KIN: variants seen among roughly 807,000 people sequenced by gnomAD.
The protein encoded by KIN is Kin17 DNA and RNA binding protein, also known as DNA/RNA-binding protein KIN17.
A neutral mutation model predicts 63.0 loss-of-function variants in KIN; 47 were observed. The observed-to-expected ratio is 0.75, with a 90% confidence interval of 0.59 to 0.95. The LOEUF is 0.95. Among genes scored for constraint, KIN ranks in the 40% least tolerant of loss-of-function variants. The pLI is 0.00. For missense variants in KIN, 408 were observed against 460.9 expected, an observed-to-expected ratio of 0.89 and a Z score of 1.05; for synonymous variants, 160 against 157.7, an observed-to-expected ratio of 1.01 and a Z score of -0.11.
intron 12 of KIN, among the ~76,000 whole-genome samples, chr10:7,758,675 CAAA>C (rs34194283): frequency 5.8e-4 from 73 of 126,344 alleles, no homozygotes; most frequent in Non-Finnish European, 6.1e-4. Context: ...ATGGTCCATG[CAAA>C]AAAAAAAAAA....
At position 7,754,180 on chromosome 10, in the gene KIN, A is replaced by C; in HGVS notation, c.*1900T>G. The C allele has an allele frequency of 2.3e-6, 1 of 440,116 alleles. No homozygotes were observed. The highest frequency in any genetic ancestry group is 4.5e-6 in the Non-Finnish European group (1 of 220,146). The allele number at this position is 440,116 out of a possible 1,614,324, so 27.3% of individuals were successfully genotyped here. ...CCTCATCTCTACTAAAAATCAAAAA[A>C]ATTAGCCAGGCATGGTAGTGCATGC... On this transcript the variant is annotated 3_prime_UTR_variant, in exon 13 of 13. Coordinates refer to ENST00000379562, the MANE Select transcript of KIN (RefSeq NM_012311.4).
At chr10:7,779,105 C>G (rs1490670516) in intron 4 of KIN, 86 bp from the exon 5 acceptor site, 1 of 1,473,310 alleles carries the variant, frequency 6.8e-7, no homozygotes, top group Non-Finnish European at 9.2e-7. Context: ...CATATTTATT[C>G]ATTCAAACAC....
chr10:7,759,702 T>C, intron 12 of KIN, 188 bp downstream of exon 12: 1 of 392,396 alleles, frequency 2.5e-6, no homozygotes, highest in Non-Finnish European at 4.5e-6. Flanking sequence ...ACATTTCTTT[T>C]ATAATCAGAA....
intron 7 of KIN, among the ~76,000 whole-genome samples, chr10:7,772,034 A>C (rs1390559069): frequency 6.6e-6 from 1 of 152,178 alleles, no homozygotes; most frequent in African/African-American, 2.4e-5. Flanking sequence ...CATTCCAGGA[A>C]GGGGAGCAGC....
Position 7,766,075 on chromosome 10 carries a change from C to G in KIN, c.827G>C (p.Arg276Pro), listed in dbSNP as rs776641280. ...TACAGGCTGTAGCCAGTAGTCTGTT[C>G]GGGCAGTTCTTTTCTTTTCCTCTTC... ...EIEEEKKRTA[R>P]TDYWLQPEII... Residue 276 changes from arginine (R) to proline (P), a missense_variant, in exon 9 of 13, where the codon CGA (arginine) becomes CCA (proline). Physicochemically the swap from Arg to Pro is moderately radical, Grantham distance 103. Around this residue, in one of 2 missense-constraint regions of KIN, gnomAD observed 298 missense variants for 296.0 expected, o/e 1.01. Coordinates refer to ENST00000379562, the MANE Select transcript of KIN (RefSeq NM_012311.4). 1.2e-5 allele frequency: 19 copies of G among 1,611,050 alleles called. No individual in the cohort carries two copies. The highest frequency in any genetic ancestry group is 1.6e-5 in the Non-Finnish European group (19 of 1,178,220).
intron 2 of KIN, among the ~76,000 whole-genome samples, chr10:7,782,383 G>A (rs1246403266): frequency 6.6e-6 from 1 of 150,494 alleles, no homozygotes; most frequent in Non-Finnish European, 1.5e-5. Flanking sequence ...CTTAGAAGAG[G>A]TTGCTATTTT....
rs540150020 is a variant in KIN, at chr10:7,778,744, C to CAACAAT, written c.558+93_558+94insATTGTT. On this transcript the variant is annotated intron_variant, in intron 5 of 12. Transcript: ENST00000379562. ...GCAGAGCAAGACTCCATCTCCAAAACAACAACAACAACAAAAACAAAAAAG... is the reference window on the plus strand; with the variant it reads ...GCAGAGCAAGACTCCATCTCCAAAACAACAATAACAACAACAACAAAAACAAAAAAG... The CAACAAT allele has an allele frequency of 7.7e-6, 10 of 1,295,474 alleles. No homozygotes were observed. The Admixed American group carries it at 2.1e-4, about 27-fold the overall frequency. 80.2% of individuals were successfully genotyped at this position (1,295,474 alleles called of 1,614,324 possible).
At position 7,774,818 on chromosome 10, in the gene KIN, T is replaced by A; in HGVS notation, c.668+13A>T. The stretch of plus-strand genomic sequence containing the variant: ...CCTAATGTTTTAAGATATCCGTGAA[T>A]GATGCAGCTCACCTTGACTTGGAAG... On this transcript the variant is annotated intron_variant, in intron 7 of 12. Coordinates refer to ENST00000379562, the MANE Select transcript of KIN (RefSeq NM_012311.4). The A allele has an allele frequency of 1.3e-6, 2 of 1,599,370 alleles. No individual in the cohort carries two copies. The highest frequency in any genetic ancestry group is 1.7e-6 in the Non-Finnish European group (2 of 1,166,882).
At chr10:7,766,714 C>G (rs1242844047) in intron 8 of KIN, among the ~76,000 whole-genome samples, 1 of 152,088 alleles carries the variant, frequency 6.6e-6, no homozygotes, top group South Asian at 2.1e-4. Flanking sequence ...ATGTAATAAT[C>G]CCTTGGTTGA....
chr10:7,771,960 G>A (rs940009562), intron 7 of KIN, among the ~76,000 whole-genome samples: 1 of 151,858 alleles, frequency 6.6e-6, no homozygotes, highest in African/African-American at 2.4e-5. Flanking sequence ...TGCTTAGAAT[G>A]TGACAATAAT....
intron 8 of KIN, among the ~76,000 whole-genome samples, chr10:7,767,469 T>C (rs1266384651): frequency 6.6e-6 from 1 of 152,212 alleles, no homozygotes; most frequent in African/African-American, 2.4e-5. Flanking sequence ...GTGCAGCATG[T>C]AACAGTGACT....
chr10:7,766,028 T>G lies in KIN; in HGVS notation c.849+25A>C, dbSNP rs779030640. 7.0e-6 allele frequency: 11 copies of G among 1,573,696 alleles called. No homozygotes were observed. The East Asian group carries it at 2.5e-4, about 35-fold the overall frequency. ...TTCACTTAAACATACATTTAGAACT[T>G]AAGAAACTCCAACTGAATACTTACA... On this transcript the variant is annotated intron_variant, in intron 9 of 12. Transcript: ENST00000379562.
chr10:7,781,478 T>A (rs1423931498), intron 2 of KIN, among the ~76,000 whole-genome samples: 1 of 151,914 alleles, frequency 6.6e-6, no homozygotes, highest in Non-Finnish European at 1.5e-5. Flanking sequence ...TTGGCCTGGG[T>A]ATGATGGCTC....
At chr10:7,781,435 T>G (rs896962031) in intron 2 of KIN, among the ~76,000 whole-genome samples, 4 of 152,136 alleles carry the variant, frequency 2.6e-5, no homozygotes, top group Admixed American at 1.3e-4. Context: ...CTGAGTTTTG[T>G]GCAGTCAATA....
chr10:7,773,127 G>A (rs978354619), intron 7 of KIN, among the ~76,000 whole-genome samples: 5 of 152,174 alleles, frequency 3.3e-5, no homozygotes, highest in Non-Finnish European at 5.9e-5. Flanking sequence ...TAACGCCTGC[G>A]GCCAACAGAG....
intron 11 of KIN, among the ~76,000 whole-genome samples, chr10:7,761,805 C>T (rs1037412586): frequency 1.1e-4 from 16 of 151,984 alleles, no homozygotes; most frequent in African/African-American, 2.9e-4. Flanking sequence ...AGTCTGAGAC[C>T]AGCCTGGCCA....
chr10:7,762,484 GAGTCTGGTCA>G lies in KIN; in HGVS notation c.981_990del (p.Asp328IlefsTer2). ...GGTGCTGGAATTACTGTCTCTAAAT[GAGTCTGGTCA>G]AGTTTCAGCTTGTCTCCAGAATCAA... On this transcript the variant is annotated frameshift_variant, in exon 11 of 13. Transcript: ENST00000379562. LOFTEE classifies it high-confidence loss of function. 3.1e-6 allele frequency: 5 copies of G among 1,610,308 alleles called. No individual in the cohort carries two copies. The East Asian group carries it at 1.1e-4, about 36-fold the overall frequency.
At chr10:7,781,918 C>T (rs1588487703) in intron 2 of KIN, among the ~76,000 whole-genome samples, 2 of 151,836 alleles carry the variant, frequency 1.3e-5, no homozygotes, top group African/African-American at 4.8e-5. Flanking sequence ...ATTAGCGGAG[C>T]GTGGTGGCGC....
At chr10:7,773,074 G>T (rs1436830879) in intron 7 of KIN, among the ~76,000 whole-genome samples, 1 of 152,202 alleles carries the variant, frequency 6.6e-6, no homozygotes, top group African/African-American at 2.4e-5. Context: ...GACATTTGAA[G>T]ATGCTCGTCT....
Sources: allele counts gnomAD v4.1 joint callset (sites outside exome capture counted in the v4.1 genomes callset), GRCh38; gene constraint gnomAD v4.1.1; regional missense constraint gnomAD v4.1.1; transcripts MANE v1.5; gene names NCBI Gene and HGNC (gene_info 2026-07-23, HGNC 2026-07-21).